The following ABCC4 variants were observed in gnomAD, a reference collection of about 807,000 sequenced individuals.
ABCC4 encodes ATP-binding cassette sub-family C member 4.
In ABCC4, 102 loss-of-function variants were observed where a neutral mutation model predicts 168.5. The observed-to-expected ratio is 0.61, with a 90% CI of 0.52 to 0.71. ABCC4 has a LOEUF of 0.71. ABCC4 is among the 30% of genes least tolerant of loss of function. ABCC4 has a pLI of 0.00. For missense variants in ABCC4, 1,402 were observed against 1,605.8 expected, an observed-to-expected ratio of 0.87 and a Z score of 2.17; for synonymous variants, 617 against 590.7, an observed-to-expected ratio of 1.04 and a Z score of -0.65.
chr13:95,209,198 G>A (rs140484950), intron 6 of ABCC4, among the ~76,000 whole-genome samples: 1 of 152,258 alleles, frequency 6.6e-6, no homozygotes, highest in African/African-American at 2.4e-5. Flanking sequence ...TACTTATTGA[G>A]GCCACAGCGC....
At chr13:95,246,055 G>A (rs2138802263) in intron 3 of ABCC4, among the ~76,000 whole-genome samples, 1 of 152,272 alleles carries the variant, frequency 6.6e-6, no homozygotes, top group African/African-American at 2.4e-5. Context: ...ATCTCCTCTA[G>A]CAGGCCAAAG....
At chr13:95,242,232 T>TG (rs2039966779) in intron 3 of ABCC4, among the ~76,000 whole-genome samples, 1 of 30,030 alleles carries the variant, frequency 3.3e-5, no homozygotes, top group Non-Finnish European at 7.2e-5. Context: ...TCTAACTCCA[T>TG]AATTTTTTTT....
chr13:95,240,313 C>A (rs1284778206), intron 3 of ABCC4, among the ~76,000 whole-genome samples: 1 of 152,222 alleles, frequency 6.6e-6, no homozygotes, highest in Non-Finnish European at 1.5e-5. Context: ...AGGTGGACCA[C>A]TTGAGGTCAG....
intron 3 of ABCC4, among the ~76,000 whole-genome samples, chr13:95,241,290 G>C (rs543193407): frequency 1.3e-5 from 2 of 151,366 alleles, no homozygotes; most frequent in South Asian, 4.2e-4. Flanking sequence ...ACTTGAACCT[G>C]GGAGGCAGAG....
At chr13:95,187,228 C>A (rs1478729040) in intron 10 of ABCC4, among the ~76,000 whole-genome samples, 2 of 152,182 alleles carry the variant, frequency 1.3e-5, no homozygotes, top group African/African-American at 4.8e-5. Context: ...ATATATAGTT[C>A]ATATATCCAA....
In ABCC4 at chr13:95,071,844, C is replaced by T; in HGVS notation, c.3028G>A (p.Val1010Ile). 3 of 1,543,866 alleles carry T rather than the reference C, an allele frequency of 1.9e-6. No individual in the cohort carries two copies. The highest frequency in any genetic ancestry group is 2.6e-6 in the Non-Finnish European group (3 of 1,149,556). The change falls in exon 25 of 31, where the codon GTA (valine) becomes ATA (isoleucine). Residue 1010 changes from valine to isoleucine, a missense_variant. Val to Ile is a conservative substitution (Grantham distance 29, BLOSUM62 3). Coordinates refer to ENST00000645237, the MANE Select transcript of ABCC4 (RefSeq NM_005845.5). ...TCTGTGTATTCAATGACCCTTTCTA[C>T]TGAGATCATCTGAAAGAAATATGAC... is the stretch of plus-strand genomic sequence containing the variant. ...SAEVENMMIS[V>I]ERVIEYTDLE...
chr13:95,162,894 G>C (rs902725520), intron 18 of ABCC4, among the ~76,000 whole-genome samples: 2 of 152,168 alleles, frequency 1.3e-5, no homozygotes, highest in African/African-American at 4.8e-5. Context: ...GCTCAATCCT[G>C]GTTTAACTTT....
chr13:95,256,375 C>A (rs150447960), intron 1 of ABCC4, among the ~76,000 whole-genome samples: 14 of 152,358 alleles, frequency 9.2e-5, no homozygotes, highest in Non-Finnish European at 1.2e-4. Flanking sequence ...GTCAGCAAGG[C>A]CCGTGTGGCC....
At chr13:95,179,848 T>C (rs2037832084) in intron 11 of ABCC4, among the ~76,000 whole-genome samples, 1 of 152,202 alleles carries the variant, frequency 6.6e-6, no homozygotes, top group South Asian at 2.1e-4. Context: ...TAAGTTCTCA[T>C]TTTATCTCTT....
intron 22 of ABCC4, among the ~76,000 whole-genome samples, chr13:95,074,605 G>A (rs138796859): frequency 3.3e-5 from 5 of 152,206 alleles, no homozygotes; most frequent in African/African-American, 1.2e-4. Context: ...ATCTCGTACA[G>A]TGCTGAGAAA....
chr13:95,186,423 T>G (rs962127464), intron 11 of ABCC4, among the ~76,000 whole-genome samples: 1 of 152,100 alleles, frequency 6.6e-6, no homozygotes, highest in Admixed American at 6.6e-5. Context: ...TTGCAAATTT[T>G]TATAATTGTC....
At chr13:95,023,606 G>A (rs748739638) in intron 30 of ABCC4, among the ~76,000 whole-genome samples, 6 of 152,152 alleles carry the variant, frequency 3.9e-5, no homozygotes, top group East Asian at 1.9e-4. Flanking sequence ...AATAGCTTAC[G>A]TCACAGGAAC....
chr13:95,110,075 G>A (rs886170797), intron 20 of ABCC4, among the ~76,000 whole-genome samples: 5 of 152,128 alleles, frequency 3.3e-5, no homozygotes, highest in Admixed American at 6.5e-5. Context: ...TTTGGAGGCC[G>A]AGACGGGCAG....
chr13:95,026,935 A>G (rs9524769), intron 30 of ABCC4, among the ~76,000 whole-genome samples: 87,630 of 151,644 alleles, frequency 0.58, 25,429 homozygotes, highest in Non-Finnish European at 0.6. Context: ...AGGCTGAGTT[A>G]TGTCAAACAT....
intron 23 of ABCC4, 32 bp from the exon 24 acceptor site, chr13:95,073,336 G>T (rs2033794846): frequency 6.4e-7 from 1 of 1,564,562 alleles, no homozygotes. Context: ...AATAAAGTCA[G>T]TCTCACTTCA....
At chr13:95,065,882 G>T (rs2033519548) in intron 25 of ABCC4, among the ~76,000 whole-genome samples, 1 of 152,124 alleles carries the variant, frequency 6.6e-6, no homozygotes. Context: ...ATCACATCTT[G>T]CCAGCAGTAC....
chr13:95,139,801 A>G (rs965376765), intron 19 of ABCC4, among the ~76,000 whole-genome samples: 1 of 152,090 alleles, frequency 6.6e-6, no homozygotes, highest in African/African-American at 2.4e-5. Flanking sequence ...GTCCTGGGGG[A>G]AAAAATTTAA....
chr13:95,100,394 C>T (rs2034754722), intron 20 of ABCC4, among the ~76,000 whole-genome samples: 1 of 152,214 alleles, frequency 6.6e-6, no homozygotes, highest in African/African-American at 2.4e-5. Flanking sequence ...CAGTGATTAA[C>T]TGTCACCACA....
At chr13:95,048,927 C>T (rs2032708521) in intron 27 of ABCC4, among the ~76,000 whole-genome samples, 1 of 152,124 alleles carries the variant, frequency 6.6e-6, no homozygotes, top group East Asian at 1.9e-4. Flanking sequence ...GTTATATTTA[C>T]AGAGTTGCTC....
Sources: allele counts gnomAD v4.1 joint callset (sites outside exome capture counted in the v4.1 genomes callset), GRCh38; gene constraint gnomAD v4.1.1; transcripts MANE v1.5; gene names NCBI Gene and HGNC (gene_info 2026-07-23, HGNC 2026-07-21).